The following HEMK2 variants were observed in gnomAD, a reference collection of about 807,000 sequenced individuals.
The protein encoded by HEMK2 is HemK methyltransferase 2, ETF1 glutamine and histone H4 lysine.
the HEMK2 span, among the ~76,000 whole-genome samples, chr21:28,759,375 A>G: frequency 2.0e-5 from 3 of 152,188 alleles, no homozygotes; most frequent in African/African-American, 7.2e-5. Context: ...CATTTGGAAC[A>G]GCTGTATTTC....
At chr21:28,705,838 T>C in the HEMK2 span, among the ~76,000 whole-genome samples, 193 of 152,172 alleles carry the variant, frequency 1.3e-3, 3 homozygotes, top group African/African-American at 4.5e-3. Flanking sequence ...CCCTCCCCCA[T>C]CTTCAAAGCC....
the HEMK2 span, among the ~76,000 whole-genome samples, chr21:28,585,350 T>TAAAC: frequency 2.0e-5 from 3 of 150,568 alleles, no homozygotes; most frequent in Non-Finnish European, 3.0e-5. Flanking sequence ...AATAAATAAA[T>TAAAC]AAATAAATAA....
the HEMK2 span, among the ~76,000 whole-genome samples, chr21:28,626,316 A>G: frequency 1.3e-5 from 2 of 152,224 alleles, no homozygotes; most frequent in African/African-American, 4.8e-5. Context: ...GTAAACTTTG[A>G]TAAGTTTTAG....
At chr21:28,739,301 G>C in the HEMK2 span, among the ~76,000 whole-genome samples, 1 of 152,068 alleles carries the variant, frequency 6.6e-6, no homozygotes, top group Non-Finnish European at 1.5e-5. Flanking sequence ...CTATGAAATT[G>C]GCCATTCAGT....
At chr21:28,823,070 G>C in the HEMK2 span, among the ~76,000 whole-genome samples, 1 of 152,326 alleles carries the variant, frequency 6.6e-6, no homozygotes, top group East Asian at 1.9e-4. Flanking sequence ...TCCAGGAAGA[G>C]AGATGGCTAT....
At chr21:28,867,907 C>G in the HEMK2 span, among the ~76,000 whole-genome samples, 2 of 152,046 alleles carry the variant, frequency 1.3e-5, no homozygotes, top group African/African-American at 4.8e-5. Context: ...TATATTTTTT[C>G]CAAATTTAAA....
the HEMK2 span, among the ~76,000 whole-genome samples, chr21:28,637,532 C>T: frequency 1.3e-5 from 2 of 152,170 alleles, no homozygotes; most frequent in East Asian, 1.9e-4. Context: ...GCATGACTGG[C>T]GTAGACCTCT....
At chr21:28,831,507 GAAAGAAAGAAA>G in the HEMK2 span, among the ~76,000 whole-genome samples, 3 of 82,886 alleles carry the variant, frequency 3.6e-5, no homozygotes, top group African/African-American at 5.6e-5. Context: ...AAGAAAGAAA[GAAAGAAAGAAA>G]GAAAGAAGGA....
the HEMK2 span, among the ~76,000 whole-genome samples, chr21:28,877,608 GA>G: frequency 1.0e-3 from 145 of 143,680 alleles, no homozygotes; most frequent in African/African-American, 2.7e-3. Context: ...GAGAAGGAAG[GA>G]AAAAAAGAGA....
At chr21:28,714,045 G>A in the HEMK2 span, among the ~76,000 whole-genome samples, 896 of 152,252 alleles carry the variant, frequency 5.9e-3, 5 homozygotes, top group Non-Finnish European at 8.8e-3. Context: ...TGTACTGTAC[G>A]CCAGAATAAT....
chr21:28,659,180 A>G, the HEMK2 span, among the ~76,000 whole-genome samples: 1 of 152,076 alleles, frequency 6.6e-6, no homozygotes, highest in African/African-American at 2.4e-5. Context: ...TCTGATATAC[A>G]TTTTCCTAAT....
the HEMK2 span, among the ~76,000 whole-genome samples, chr21:28,769,258 C>T: frequency 4.9e-4 from 74 of 152,104 alleles, no homozygotes; most frequent in African/African-American, 1.7e-3. Context: ...TGGCATTACC[C>T]CTAGATGATG....
the HEMK2 span, among the ~76,000 whole-genome samples, chr21:28,734,976 A>G: frequency 1.3e-5 from 2 of 152,164 alleles, no homozygotes; most frequent in Non-Finnish European, 1.5e-5. Context: ...TCTGTGATCA[A>G]CTGTGGGTTG....
chr21:28,639,695 T>G, the HEMK2 span, among the ~76,000 whole-genome samples: 7 of 152,344 alleles, frequency 4.6e-5, no homozygotes, highest in African/African-American at 1.4e-4. Context: ...ACTTTTAATG[T>G]CTTTTCCACA....
At chr21:28,777,007 A>G in the HEMK2 span, among the ~76,000 whole-genome samples, 415 of 152,308 alleles carry the variant, frequency 2.7e-3, 3 homozygotes, top group African/African-American at 9.4e-3. Flanking sequence ...CTTCAATCCA[A>G]TCAAGTTGAC....
chr21:28,595,590 A>C, the HEMK2 span, among the ~76,000 whole-genome samples: 1 of 152,202 alleles, frequency 6.6e-6, no homozygotes, highest in Non-Finnish European at 1.5e-5. Context: ...TGATGAACAC[A>C]GGTTGCTTCC....
At chr21:28,838,992 T>A in the HEMK2 span, among the ~76,000 whole-genome samples, 2 of 77,534 alleles carry the variant, frequency 2.6e-5, no homozygotes, top group Non-Finnish European at 2.3e-5. Context: ...TATATATATA[T>A]ATATATATAC....
At chr21:28,868,526 T>C in the HEMK2 span, among the ~76,000 whole-genome samples, 3 of 151,942 alleles carry the variant, frequency 2.0e-5, no homozygotes, top group East Asian at 1.9e-4. Context: ...CTACTAAAAA[T>C]ACAAAAAATT....
chr21:28,724,362 C>T, the HEMK2 span, among the ~76,000 whole-genome samples: 1 of 152,082 alleles, frequency 6.6e-6, no homozygotes, highest in African/African-American at 2.4e-5. Flanking sequence ...GCAAATAAGG[C>T]ATTTTATAAC....
Sources: gnomAD v4.1 joint callset for allele counts (sites outside exome capture counted in the v4.1 genomes callset) on GRCh38, gnomAD v4.1.1 for gene constraint, MANE v1.5 for transcripts, NCBI Gene and HGNC (gene_info 2026-07-23, HGNC 2026-07-21) for gene names.